Variants in ZFHX3 observed in about 807,000 individuals in gnomAD.
The protein encoded by ZFHX3 is zinc finger homeobox protein 3.
A neutral mutation model predicts 279.1 loss-of-function variants in ZFHX3; 42 were observed. That is an observed-to-expected ratio of 0.15 (90% CI 0.12 to 0.19). ZFHX3 has a LOEUF of 0.19. ZFHX3 is among the 10% of genes least tolerant of loss of function. The probability of loss-of-function intolerance (pLI) is 1.00; values close to 1 mark genes in which losing one functional copy is unlikely to be tolerated. For missense variants in ZFHX3, 4,981 were observed against 4,754.0 expected, an observed-to-expected ratio of 1.05 and a Z score of -1.40; for synonymous variants, 2,293 against 1,957.8, an observed-to-expected ratio of 1.17 and a Z score of -4.52.
chr16:73,471,292 A>G (rs934365457), intron 2 of ZFHX3, among the ~76,000 whole-genome samples: 4 of 152,196 alleles, frequency 2.6e-5, no homozygotes, highest in Admixed American at 1.3e-4. Flanking sequence ...GACCATAGTG[A>G]TTGACCATGC....
At chr16:73,876,928 C>T (rs1243212965) in intron 1 of ZFHX3, among the ~76,000 whole-genome samples, 4 of 151,718 alleles carry the variant, frequency 2.6e-5, no homozygotes, top group Admixed American at 2.6e-4. Flanking sequence ...CATTTGCAAG[C>T]ACATCTTAAA....
At chr16:73,403,274 T>A (rs1441001784) in intron 3 of ZFHX3, among the ~76,000 whole-genome samples, 1 of 152,180 alleles carries the variant, frequency 6.6e-6, no homozygotes, top group African/African-American at 2.4e-5. Flanking sequence ...CACCGAGGGC[T>A]GCGATTCCCC....
At chr16:73,302,987 ACT>A (rs2143137611) in intron 4 of ZFHX3, among the ~76,000 whole-genome samples, 1 of 151,444 alleles carries the variant, frequency 6.6e-6, no homozygotes. Context: ...TGATTAGGGG[ACT>A]CTCTAAATGG....
At chr16:73,723,446 C>T (rs900857287) in intron 1 of ZFHX3, among the ~76,000 whole-genome samples, 2 of 152,072 alleles carry the variant, frequency 1.3e-5, no homozygotes, top group African/African-American at 2.4e-5. Flanking sequence ...GCGATTAAAA[C>T]GTGTTCTTGA....
At chr16:73,201,194 G>C (rs1427200994) in intron 5 of ZFHX3, among the ~76,000 whole-genome samples, 1 of 152,046 alleles carries the variant, frequency 6.6e-6, no homozygotes, top group South Asian at 2.1e-4. Flanking sequence ...CATTGGCAAT[G>C]GGGGGGCTCT....
chr16:73,425,886 G>C (rs981561257), intron 3 of ZFHX3, among the ~76,000 whole-genome samples: 20 of 152,014 alleles, frequency 1.3e-4, no homozygotes, highest in African/African-American at 4.1e-4. Flanking sequence ...AACACAGTAA[G>C]TGTTCAATAA....
intron 3 of ZFHX3, among the ~76,000 whole-genome samples, chr16:73,384,915 C>T (rs1230638673): frequency 2.6e-5 from 4 of 152,188 alleles, no homozygotes; most frequent in Non-Finnish European, 5.9e-5. Context: ...CCTACGTTAC[C>T]CTGATTGGTT....
chr16:73,550,977 G>C (rs1026657792), intron 2 of ZFHX3, among the ~76,000 whole-genome samples: 1 of 152,162 alleles, frequency 6.6e-6, no homozygotes, highest in Non-Finnish European at 1.5e-5. Flanking sequence ...TGAATCTAAA[G>C]TACAAACTAA....
At position 73,250,882 on chromosome 16, in the gene ZFHX3, T is replaced by C. The variant is rs188362799; in HGVS notation, c.-1104+6165A>G. 2.6e-5 allele frequency among the ~76,000 whole-genome samples: 4 copies of C among 152,162 alleles called. No homozygotes were observed. In the East Asian group the frequency reaches 7.7e-4, roughly 29 times the overall value. ...TGTGAATTGTTAGAGTCAACTTTTATATTTCAAATTTCTTCTTTTTTCCCT... is the reference window on the plus strand; with the variant it reads ...TGTGAATTGTTAGAGTCAACTTTTACATTTCAAATTTCTTCTTTTTTCCCT... On this transcript the variant is annotated intron_variant, in intron 5 of 17. Coordinates refer to the ZFHX3 transcript ENST00000641206.
rs1567507813 is a variant in ZFHX3, at chr16:72,788,127, T to TAGTTGCCGCTGC, written c.10137_10148dup (p.Arg3381_Gln3384dup). On this transcript the variant is annotated inframe_insertion, in exon 10 of 10. Transcript: ENST00000268489. Reference sequence around the variant, plus strand: ...GCACTTTTTGCTGCTGCTGCTGCTGTAGTTGCCGCTGCTGCTGCTGCTGAA... The same window carrying TAGTTGCCGCTGC: ...GCACTTTTTGCTGCTGCTGCTGCTGTAGTTGCCGCTGCAGTTGCCGCTGCTGCTGCTGCTGAA... 1 of 1,596,558 alleles carries TAGTTGCCGCTGC rather than the reference T, an allele frequency of 6.3e-7. No homozygotes were observed. The highest frequency in any genetic ancestry group is 1.7e-5 in the Admixed American group (1 of 59,548).
chr16:73,661,199 T>C (rs1405068807), intron 2 of ZFHX3, among the ~76,000 whole-genome samples: 1 of 152,196 alleles, frequency 6.6e-6, no homozygotes, highest in Non-Finnish European at 1.5e-5. Context: ...CAGAAACTTA[T>C]AAATAATAAA....
At chr16:73,270,295 G>A (rs185116309) in intron 4 of ZFHX3, among the ~76,000 whole-genome samples, 10 of 152,252 alleles carry the variant, frequency 6.6e-5, no homozygotes, top group Admixed American at 3.9e-4. Flanking sequence ...TTGAAGACAG[G>A]TCTCATGCAA....
rs769869549 is a variant in ZFHX3 at position 73,868,759 on chromosome 16, G to GTTTC, written c.-1608+22888_-1608+22891dup. On this transcript the variant is annotated intron_variant, in intron 1 of 17. Transcript: ENST00000641206. ...AAAATTACTAAGTGTACACTGAAGG[G>GTTTC]TTTCTTTCTTTCTTTCTTTCTTTCT... Among the ~76,000 whole-genome samples the GTTTC allele has an allele frequency of 8.1e-4, 123 of 151,350 alleles. 1 individual carries two copies. Among genetic ancestry groups the GTTTC allele is most frequent in the Admixed American group, 9.2e-4 (14 of 15,250 alleles).
At chr16:73,011,042 C>T (rs1036667950) in intron 1 of ZFHX3, among the ~76,000 whole-genome samples, 2 of 152,086 alleles carry the variant, frequency 1.3e-5, no homozygotes, top group Admixed American at 6.6e-5. Flanking sequence ...AGTACAGTGG[C>T]GTGATCTTGG....
chr16:73,581,086 C>G (rs79319015), intron 2 of ZFHX3, among the ~76,000 whole-genome samples: 2 of 151,746 alleles, frequency 1.3e-5, no homozygotes, highest in Non-Finnish European at 2.9e-5. Flanking sequence ...CTAGGAAATG[C>G]TCGTCTTGCC....
At chr16:72,837,313 G>A (rs765699597) in intron 4 of ZFHX3, among the ~76,000 whole-genome samples, 5 of 152,134 alleles carry the variant, frequency 3.3e-5, no homozygotes, top group African/African-American at 1.2e-4. Flanking sequence ...AAACAAAGTG[G>A]CCAAACTGCT....
At chr16:72,986,034 T>A (rs1962825483) in intron 1 of ZFHX3, among the ~76,000 whole-genome samples, 1 of 152,108 alleles carries the variant, frequency 6.6e-6, no homozygotes, top group Non-Finnish European at 1.5e-5. Flanking sequence ...GGTCTTCCAT[T>A]TTTAACCACC....
At chr16:73,296,605 T>G (rs1012987640) in intron 4 of ZFHX3, among the ~76,000 whole-genome samples, 3 of 152,208 alleles carry the variant, frequency 2.0e-5, no homozygotes, top group African/African-American at 7.2e-5. Flanking sequence ...CACTCCTCTA[T>G]TCCCCAATCC....
chr16:73,043,394 C>T (rs1965183669), intron 1 of ZFHX3, among the ~76,000 whole-genome samples: 1 of 152,206 alleles, frequency 6.6e-6, no homozygotes, highest in Non-Finnish European at 1.5e-5. Context: ...AGAAGTCTTG[C>T]TTCAAAATGG....
Sources: gnomAD v4.1 joint callset for allele counts (sites outside exome capture counted in the v4.1 genomes callset) on GRCh38, gnomAD v4.1.1 for gene constraint, MANE v1.5 for transcripts, NCBI Gene and HGNC (gene_info 2026-07-23, HGNC 2026-07-21) for gene names.